Variants in P2RY14 observed in about 807,000 individuals in gnomAD.
P2RY14 encodes the protein P2Y purinoceptor 14.
In P2RY14, 2 loss-of-function variants were observed where a neutral mutation model predicts 0.9. The observed-to-expected ratio is 2.16, with a 90% CI of 0.88 to 6.79. P2RY14 has a LOEUF of 6.79. Ranked by LOEUF, P2RY14 falls within the 30% of genes most tolerant of loss-of-function variation. The pLI, the probability that P2RY14 is intolerant of heterozygous loss-of-function variation, is 0.05. For missense variants in P2RY14, 378 were observed against 400.1 expected (o/e 0.94, Z 0.47); for synonymous variants, 158 against 147.2 (o/e 1.07, Z -0.53).
chr3:151,250,060 T>G (rs947172564), intron 1 of P2RY14, among the ~76,000 whole-genome samples: 4 of 152,140 alleles, frequency 2.6e-5, no homozygotes, highest in Non-Finnish European at 4.4e-5. Context: ...TTATTAGCAA[T>G]CATCCAGTCG....
Position 151,214,068 on chromosome 3 carries a change from G to A in P2RY14, c.249C>T (p.Gly83=), listed in dbSNP as rs1183035961. Residue 83 remains glycine (G), a synonymous_variant, in exon 3 of 3, where the codon GGC becomes GGT. Transcript: ENST00000309170. ...ACACGTTCAGCTGCCAGGGACCAAG[G>A]CCTGAGTCACCAAGGATCTTGAAAG... ...TFPFKILGDS[G]LGPWQLNVFV... is the part of the protein sequence containing the mutation. 6.2e-7 allele frequency: 1 copy of A among 1,613,984 alleles called. No homozygotes were observed. The highest frequency in any genetic ancestry group is 2.2e-5 in the East Asian group (1 of 44,880).
chr3:151,254,885 T>A (rs138688043), intron 1 of P2RY14, among the ~76,000 whole-genome samples: 153 of 152,334 alleles, frequency 1.0e-3, no homozygotes, highest in African/African-American at 3.3e-3. Context: ...TATACACACT[T>A]CCAAAACTGT....
At chr3:151,269,397 T>G in intron 1 of P2RY14, 1 of 142,568 alleles carries the variant, frequency 7.0e-6, no homozygotes, top group South Asian at 2.0e-4. Flanking sequence ...TGAAACTCCA[T>G]CACACACACA....
intron 1 of P2RY14, among the ~76,000 whole-genome samples, chr3:151,252,266 A>G (rs1737006736): frequency 6.6e-6 from 1 of 152,230 alleles, no homozygotes; most frequent in Non-Finnish European, 1.5e-5. Flanking sequence ...TGTGGGAGGT[A>G]CAACCAGGAG....
intron 2 of P2RY14, among the ~76,000 whole-genome samples, chr3:151,217,857 A>G (rs1282676241): frequency 6.6e-6 from 1 of 152,196 alleles, no homozygotes; most frequent in Non-Finnish European, 1.5e-5. Context: ...AGAGCATGGC[A>G]GCCTTTTCTG....
chr3:151,238,643 G>T (rs919256065), intron 1 of P2RY14, among the ~76,000 whole-genome samples: 2 of 152,106 alleles, frequency 1.3e-5, no homozygotes, highest in African/African-American at 4.8e-5. Flanking sequence ...TCAAGGCAGT[G>T]CACTCAACTG....
chr3:151,215,695 C>CT (rs1164727255), intron 2 of P2RY14, among the ~76,000 whole-genome samples: 1 of 152,144 alleles, frequency 6.6e-6, no homozygotes, highest in African/African-American at 2.4e-5. Context: ...TACTGCCCAT[C>CT]TTATATGTGA....
At chr3:151,220,628 T>C (rs557314765) in intron 1 of P2RY14, among the ~76,000 whole-genome samples, 1 of 152,322 alleles carries the variant, frequency 6.6e-6, no homozygotes, top group South Asian at 2.1e-4. Context: ...CTGATGGTTT[T>C]AAAAACGAGA....
rs114806435 is a variant in P2RY14 at position 151,250,012 on chromosome 3, G to A, written c.-133+28275C>T. Among the ~76,000 whole-genome samples, 1,236 of 152,146 alleles carry A rather than the reference G, an allele frequency of 8.1e-3. 9 individuals are homozygous for A. The highest frequency in any genetic ancestry group is 0.012 in the Non-Finnish European group (830 of 68,002). ...TTATCATTATCAAATAAAATAAAGC[G>A]AAAACCCTCAAAGCTCTCCCTTAAA... On this transcript the variant is annotated intron_variant, in intron 1 of 2. Transcript: ENST00000309170.
At chr3:151,246,434 T>G (rs988027403) in intron 1 of P2RY14, among the ~76,000 whole-genome samples, 2 of 151,794 alleles carry the variant, frequency 1.3e-5, no homozygotes, top group African/African-American at 4.8e-5. Context: ...TATAGATCAA[T>G]GGAACAGAAC....
chr3:151,271,945 T>A (rs890009548), intron 1 of P2RY14, among the ~76,000 whole-genome samples: 2 of 152,216 alleles, frequency 1.3e-5, no homozygotes, highest in African/African-American at 4.8e-5. Flanking sequence ...GTGTCAAACC[T>A]CAATGAACTC....
chr3:151,243,737 T>C (rs1734746068), intron 1 of P2RY14, among the ~76,000 whole-genome samples: 1 of 151,864 alleles, frequency 6.6e-6, no homozygotes, highest in Non-Finnish European at 1.5e-5. Flanking sequence ...GCTAACATCA[T>C]CATGACAGGA....
At chr3:151,243,386 A>G (rs1734648748) in intron 1 of P2RY14, among the ~76,000 whole-genome samples, 1 of 132,302 alleles carries the variant, frequency 7.6e-6, no homozygotes, top group Non-Finnish European at 1.6e-5. Context: ...GTTACCCTCA[A>G]AGGGAAGCCC....
intron 1 of P2RY14, among the ~76,000 whole-genome samples, chr3:151,273,569 C>A (rs1741367621): frequency 6.6e-6 from 1 of 151,900 alleles, no homozygotes; most frequent in East Asian, 1.9e-4. Context: ...AATTACTGTT[C>A]TGGGTAATTT....
chr3:151,224,815 T>C (rs1450628569), intron 1 of P2RY14, among the ~76,000 whole-genome samples: 1 of 152,200 alleles, frequency 6.6e-6, no homozygotes, highest in Admixed American at 6.5e-5. Context: ...GCATTTGATA[T>C]CATTGATTTC....
chr3:151,270,242 T>TGTGTGTGTGTGTGTGTGTGTGTGTGTG (rs1553764758), intron 1 of P2RY14: 2 of 155,076 alleles, frequency 1.3e-5, no homozygotes, highest in African/African-American at 2.5e-5. Context: ...TGTGTGTGTG[T>TGTGTGTGTGTGTGTGTGTGTGTGTGTG]TTTCTTTTGG....
chr3:151,225,329 A>C (rs1432750358), intron 1 of P2RY14, among the ~76,000 whole-genome samples: 1 of 152,192 alleles, frequency 6.6e-6, no homozygotes, highest in Non-Finnish European at 1.5e-5. Context: ...TGAGTCATTT[A>C]TAAAGAAAGG....
chr3:151,236,534 C>T (rs1261211356), intron 1 of P2RY14, among the ~76,000 whole-genome samples: 1 of 152,158 alleles, frequency 6.6e-6, no homozygotes, highest in Non-Finnish European at 1.5e-5. Flanking sequence ...TAAGCAGCTG[C>T]TCTTGTCTAA....
chr3:151,269,691 TTTTTA>T (rs1290570096), intron 1 of P2RY14: 13 of 418,240 alleles, frequency 3.1e-5, no homozygotes, highest in African/African-American at 2.5e-4. Context: ...TACAGAAAGA[TTTTTA>T]TTTTGATGAA....
Sources: allele counts gnomAD v4.1 joint callset (sites outside exome capture counted in the v4.1 genomes callset), GRCh38; gene constraint gnomAD v4.1.1; transcripts MANE v1.5; gene names NCBI Gene and HGNC (gene_info 2026-07-23, HGNC 2026-07-21).